LRP2: variants seen among roughly 807,000 people sequenced by gnomAD.
The protein encoded by LRP2 is LDL receptor related protein 2, also known as low-density lipoprotein receptor-related protein 2.
Under a neutral mutation model 531.0 loss-of-function variants are expected in LRP2, and 172 were observed. The observed-to-expected ratio is 0.32, with a 90% confidence interval of 0.29 to 0.37. The LOEUF (loss-of-function observed/expected upper bound fraction) is 0.37. LRP2 is among the 10% of genes least tolerant of loss of function. LRP2 has a pLI of 1.00. For missense variants in LRP2, 5,167 were observed against 5,868.3 expected (o/e 0.88, Z 3.90); for synonymous variants, 1,992 against 2,027.6 (o/e 0.98, Z 0.47).
At chr2:169,175,059 G>T in intron 55 of LRP2, 134 bp downstream of exon 55, 1 of 724,986 alleles carries the variant, frequency 1.4e-6, no homozygotes. Flanking sequence ...ATAGAAAAAG[G>T]ATGGAGCCTG....
chr2:169,318,477 C>T (rs539472858), intron 3 of LRP2, among the ~76,000 whole-genome samples: 2 of 152,300 alleles, frequency 1.3e-5, no homozygotes, highest in East Asian at 3.9e-4. Context: ...CAGCTATACA[C>T]TCCAATAAAT....
At chr2:169,182,545 A>T in intron 50 of LRP2, 1 of 1,406,518 alleles carries the variant, frequency 7.1e-7, no homozygotes, top group Non-Finnish European at 9.3e-7. Flanking sequence ...AGGTGGTGTC[A>T]TGTAGAAAAT....
intron 76 of LRP2, among the ~76,000 whole-genome samples, chr2:169,133,253 T>C (rs1685357206): frequency 6.6e-6 from 1 of 152,232 alleles, no homozygotes; most frequent in African/African-American, 2.4e-5. Flanking sequence ...ATTCATACAA[T>C]TCCAAGGTTC....
rs765170781 is a variant in LRP2, at chr2:169,174,071, T to C, written c.10862A>G (p.Asp3621Gly). Residue 3621 changes from aspartate (D) to glycine (G), a missense_variant, in exon 56 of 79, where the codon GAT becomes GGT. Coordinates refer to ENST00000649046, the MANE Select transcript of LRP2 (RefSeq NM_004525.3). ...GTGGGAACTGTCTTCATCTGAGTTATCCTCACAGTCGTTAAATGTGTCACA... is the reference window on the plus strand; with the variant it reads ...GTGGGAACTGTCTTCATCTGAGTTACCCTCACAGTCGTTAAATGTGTCACA... ...WQCDTFNDCE[D>G]NSDEDSSHCA... The C allele has an allele frequency of 3.1e-6, 5 of 1,614,112 alleles. No homozygotes were observed. The South Asian group carries it at 5.5e-5, about 18-fold the overall frequency.
At chr2:169,144,261 A>G (rs1213574783) in intron 70 of LRP2, among the ~76,000 whole-genome samples, 1 of 152,244 alleles carries the variant, frequency 6.6e-6, no homozygotes, top group Non-Finnish European at 1.5e-5. Flanking sequence ...TCAGAAGTGC[A>G]ACAGATGGGG....
chr2:169,171,840 T>C (rs1280621391), intron 58 of LRP2, among the ~76,000 whole-genome samples, 175 bp downstream of exon 58: 1 of 152,246 alleles, frequency 6.6e-6, no homozygotes, highest in African/African-American at 2.4e-5. Flanking sequence ...GAGATGCTTA[T>C]GTCTTTAGTG....
intron 1 of LRP2, among the ~76,000 whole-genome samples, chr2:169,340,151 T>G (rs374737702): frequency 6.6e-5 from 10 of 152,200 alleles, no homozygotes; most frequent in Admixed American, 2.0e-4. Flanking sequence ...CTAACCATTG[T>G]TCCCCTATTC....
rs767391648 is a variant in LRP2, at chr2:169,206,783, G to A, written c.6937C>T (p.Pro2313Ser). ...TTGATATTGTCTCTTATCACTGTGG[G>A]TGGCTCTGTGTTCTCTGGTTCCTTG... Reference protein sequence around the residue: ...ASKEPENTEPPTVIRDNINWL... With the variant: ...ASKEPENTEPSTVIRDNINWL... Residue 2313 changes from proline to serine, a missense_variant, in exon 39 of 79, where the codon CCC becomes TCC. Pro to Ser is a moderately conservative substitution (Grantham distance 74). Around this residue, in one of 6 missense-constraint regions of LRP2, gnomAD observed 2,811 missense variants for 3,058.0 expected, o/e 0.92. Transcript: ENST00000649046. The A allele has an allele frequency of 7.4e-6, 12 of 1,614,030 alleles. No homozygotes were observed. Among genetic ancestry groups the A allele is most frequent in the Non-Finnish European group, 3.4e-6 (4 of 1,180,028 alleles).
At chr2:169,160,690 A>AGAAAC (rs1686550365) in intron 63 of LRP2, among the ~76,000 whole-genome samples, 1 of 147,110 alleles carries the variant, frequency 6.8e-6, no homozygotes, top group African/African-American at 2.5e-5. Context: ...CTTAAAAAAA[A>AGAAAC]AAAAACCTGC....
intron 11 of LRP2, 21 bp downstream of exon 11, chr2:169,280,329 G>A (rs183654705): frequency 2.2e-5 from 35 of 1,613,830 alleles, no homozygotes; most frequent in Non-Finnish European, 5.1e-6. Context: ...GTTCCATTCA[G>A]CTACTGAAAT....
At chr2:169,230,449 C>T (rs1186179259) in intron 31 of LRP2, among the ~76,000 whole-genome samples, 1 of 152,178 alleles carries the variant, frequency 6.6e-6, no homozygotes, top group Non-Finnish European at 1.5e-5. Context: ...TGCATAATAT[C>T]TAAACACTAA....
At chr2:169,187,626 A>G (rs903774917) in intron 49 of LRP2, among the ~76,000 whole-genome samples, 4 of 152,228 alleles carry the variant, frequency 2.6e-5, no homozygotes, top group Admixed American at 1.3e-4. Flanking sequence ...GTTCTAGCAG[A>G]GGGATGCTTC....
chr2:169,218,884 C>T (rs557775264), intron 34 of LRP2, among the ~76,000 whole-genome samples: 5 of 152,116 alleles, frequency 3.3e-5, no homozygotes, highest in African/African-American at 1.2e-4. Flanking sequence ...TGAATGACTA[C>T]GTAGAGTAGA....
chr2:169,297,696 A>G (rs1684168993), intron 4 of LRP2, among the ~76,000 whole-genome samples: 1 of 152,174 alleles, frequency 6.6e-6, no homozygotes, highest in South Asian at 2.1e-4. Flanking sequence ...TTTGGTTTGA[A>G]GCAAGAAATT....
At chr2:169,225,235 A>C in intron 33 of LRP2, 75 bp downstream of exon 33, 1 of 1,467,458 alleles carries the variant, frequency 6.8e-7, no homozygotes, top group Non-Finnish European at 9.5e-7. Flanking sequence ...AATCCACGTG[A>C]GATCTATTCC....
rs1326049973 is a variant in LRP2 at position 169,327,552 on chromosome 2, C to T, written c.80-6668G>A. ...AGGGAGGTGGGGTCAGCCCCCCGCCCGGCCAGCCGCCCCATCCGGGAGGTG... is the reference window on the plus strand; with the variant it reads ...AGGGAGGTGGGGTCAGCCCCCCGCCTGGCCAGCCGCCCCATCCGGGAGGTG... On this transcript the variant is annotated intron_variant, in intron 1 of 78. Transcript: ENST00000649046. Among the ~76,000 whole-genome samples the T allele has an allele frequency of 2.8e-4, 35 of 125,840 alleles. No individual in the cohort carries two copies. The South Asian group carries it at 3.5e-3, about 13-fold the overall frequency. The allele number at this position is 125,840 out of a possible 152,430, so 82.6% of individuals were successfully genotyped here.
chr2:169,288,579 T>C (rs1231091724), intron 9 of LRP2, among the ~76,000 whole-genome samples: 1 of 152,078 alleles, frequency 6.6e-6, no homozygotes, highest in Non-Finnish European at 1.5e-5. Flanking sequence ...AACTCTTTAG[T>C]TGTGGGATCC....
At chr2:169,284,918 T>G (rs1683811852) in intron 9 of LRP2, among the ~76,000 whole-genome samples, 1 of 152,180 alleles carries the variant, frequency 6.6e-6, no homozygotes, top group South Asian at 2.1e-4. Context: ...GAAGTTCTGA[T>G]GTCAAACAGA....
At chr2:169,360,790 G>A (rs1686128480) in intron 1 of LRP2, among the ~76,000 whole-genome samples, 1 of 152,136 alleles carries the variant, frequency 6.6e-6, no homozygotes, top group Admixed American at 6.5e-5. Context: ...CAAGACCTGT[G>A]GGGTTTGTTA....
Sources: gnomAD v4.1 joint callset for allele counts (sites outside exome capture counted in the v4.1 genomes callset) on GRCh38, gnomAD v4.1.1 for gene constraint, gnomAD v4.1.1 regional missense constraint, MANE v1.5 for transcripts, NCBI Gene and HGNC (gene_info 2026-07-23, HGNC 2026-07-21) for gene names.